The following LGMN variants were observed in gnomAD, a reference collection of about 807,000 sequenced individuals.
The protein encoded by LGMN is legumain.
Under a neutral mutation model 56.8 loss-of-function variants are expected in LGMN, and 36 were observed. The ratio of observed to expected loss-of-function variants is 0.63; its 90% CI spans 0.49 to 0.84. The LOEUF (loss-of-function observed/expected upper bound fraction) is 0.84. Among genes scored for constraint, LGMN ranks in the 40% least tolerant of loss-of-function variants. The probability of loss-of-function intolerance (pLI) is 0.00; values close to 1 mark genes in which losing one functional copy is unlikely to be tolerated. For missense variants in LGMN, 446 were observed against 556.1 expected (o/e 0.80, Z 1.99); for synonymous variants, 199 against 210.1 (o/e 0.95, Z 0.46).
At chr14:92,704,605 A>G in intron 13 of LGMN, 35 bp downstream of exon 13, 1 of 1,562,034 alleles carries the variant, frequency 6.4e-7, no homozygotes, top group African/African-American at 1.3e-5. Context: ...TCAGAATGAC[A>G]TCGACCTTTC....
rs367842598 is a variant in LGMN at position 92,704,285 on chromosome 14, C to T, written c.*34G>A. The T allele has an allele frequency of 2.9e-5, 46 of 1,611,130 alleles. No individual in the cohort carries two copies. Among genetic ancestry groups the T allele is most frequent in the Non-Finnish European group, 3.6e-5 (43 of 1,179,812 alleles). Reference sequence around the variant, plus strand: ...TGATCAGCACACAGTCGGTGGGGCGCTCACACTTGGAAAAGCTTCCAGGAG... The same window carrying T: ...TGATCAGCACACAGTCGGTGGGGCGTTCACACTTGGAAAAGCTTCCAGGAG... On this transcript the variant is annotated 3_prime_UTR_variant, in exon 14 of 14. Coordinates refer to ENST00000334869, the MANE Select transcript of LGMN (RefSeq NM_005606.7).
chr14:92,705,993 A>G (rs1323079149), intron 12 of LGMN, among the ~76,000 whole-genome samples: 3 of 152,160 alleles, frequency 2.0e-5, no homozygotes, highest in Non-Finnish European at 2.9e-5. Flanking sequence ...CAGTTTGCCA[A>G]CCTTTCTCTA....
At chr14:92,706,720 G>A in intron 11 of LGMN, 67 bp from the exon 12 acceptor site, 1 of 1,396,842 alleles carries the variant, frequency 7.2e-7, no homozygotes, top group Non-Finnish European at 9.6e-7. Context: ...CCCAGGTGCG[G>A]TGAGAAGTGC....
chr14:92,732,453 C>T (rs1233157577), intron 2 of LGMN, 196 bp downstream of exon 2: 23 of 591,036 alleles, frequency 3.9e-5, no homozygotes, highest in Non-Finnish European at 2.6e-5. Context: ...AAAATGGCTA[C>T]ACCATCTTAT....
At position 92,732,689 on chromosome 14, in the gene LGMN, AT is replaced by A; in HGVS notation, c.97del (p.Ile33SerfsTer36). 6.2e-7 allele frequency: 1 copy of A among 1,614,164 alleles called. No individual in the cohort carries two copies. Among genetic ancestry groups the A allele is most frequent in the Non-Finnish European group, 8.5e-7 (1 of 1,180,016 alleles). On this transcript the variant is annotated frameshift_variant, in exon 2 of 14. Coordinates refer to ENST00000334869, the MANE Select transcript of LGMN (RefSeq NM_005606.7). LOFTEE classifies it high-confidence loss of function. ...ATACCAGCCATTTGAACCTGCCACGATCACCACCCAGTGCTTGCCTCCATCT... is the reference window on the plus strand; with the variant it reads ...ATACCAGCCATTTGAACCTGCCACGACACCACCCAGTGCTTGCCTCCATCT... ...PEDGGKHWVV[I>X]VAGSNGWYNY...
intron 1 of LGMN, chr14:92,743,024 C>CAAAATATAA (rs1891633678): frequency 1.4e-5 from 1 of 73,718 alleles, no homozygotes; most frequent in African/African-American, 4.6e-5. Context: ...TCCTCTGTCT[C>CAAAATATAA]AAAAAAAAAA....
At chr14:92,724,229 T>C (rs900134251) in intron 2 of LGMN, among the ~76,000 whole-genome samples, 2 of 152,220 alleles carry the variant, frequency 1.3e-5, no homozygotes, top group African/African-American at 4.8e-5. Context: ...CTTGTGTTGT[T>C]ACTCCTGCAC....
intron 1 of LGMN, among the ~76,000 whole-genome samples, chr14:92,748,249 C>A (rs1891903210): frequency 6.6e-6 from 1 of 152,038 alleles, no homozygotes; most frequent in Non-Finnish European, 1.5e-5. Flanking sequence ...CCACAACACG[C>A]GTGAGAAACG....
intron 2 of LGMN, among the ~76,000 whole-genome samples, chr14:92,725,136 C>G (rs1168899012): frequency 6.6e-6 from 1 of 152,246 alleles, no homozygotes; most frequent in African/African-American, 2.4e-5. Flanking sequence ...TGTGCTGCCT[C>G]TGGCATTTAC....
intron 1 of LGMN, among the ~76,000 whole-genome samples, chr14:92,742,420 CCA>C (rs1272258964): frequency 2.0e-5 from 3 of 151,608 alleles, no homozygotes; most frequent in Admixed American, 2.0e-4. Context: ...GCGTCAGCCT[CCA>C]GAGTAGCTGA....
At chr14:92,747,443 T>G (rs1425978476) in intron 1 of LGMN, among the ~76,000 whole-genome samples, 5 of 152,082 alleles carry the variant, frequency 3.3e-5, no homozygotes, top group Non-Finnish European at 7.4e-5. Flanking sequence ...TGAGCCGAGA[T>G]CGCACCACTG....
intron 11 of LGMN, among the ~76,000 whole-genome samples, chr14:92,708,381 T>G (rs1889554849): frequency 6.6e-6 from 1 of 151,882 alleles, no homozygotes; most frequent in Non-Finnish European, 1.5e-5. Context: ...GAAGATCACT[T>G]GAGCTCAGGA....
At position 92,704,175 on chromosome 14, in the gene LGMN, A is replaced by G. The variant is rs1889295838; in HGVS notation, c.*144T>C. ...TAACAGCGAGCAAGTCATCTTGTGA[A>G]GAAGGTCCTGGAGCGAGCCCTGGAG... On this transcript the variant is annotated 3_prime_UTR_variant, in exon 14 of 14. Coordinates refer to ENST00000334869, the MANE Select transcript of LGMN (RefSeq NM_005606.7). The G allele has an allele frequency of 1.0e-6, 1 of 960,572 alleles. No homozygotes were observed. The highest frequency in any genetic ancestry group is 1.6e-5 in the African/African-American group (1 of 62,074). The allele number at this position is 960,572 out of a possible 1,614,324, so 59.5% of individuals were successfully genotyped here. A position where few individuals can be genotyped will look rare whatever the true frequency, so the allele number is the denominator to read the frequency against.
chr14:92,704,501 C>T (rs1484709141), intron 13 of LGMN, 139 bp downstream of exon 13: 9 of 1,061,102 alleles, frequency 8.5e-6, no homozygotes, highest in Admixed American at 3.5e-5. Context: ...CTTCTGGACC[C>T]TGCTGACAAA....
At position 92,709,796 on chromosome 14, in the gene LGMN, A is replaced by T. The variant is rs780669493; in HGVS notation, c.896T>A (p.Val299Asp). ...GCTGGGGGTGAGGTCAAGGTGTGTG[A>T]CTGGAGGTAGGGGGACGGGAGAACT... ...KASSPVPLPP[V>D]THLDLTPSPD... The change falls in exon 11 of 14, where the codon GTC becomes GAC. Residue 299 changes from valine to aspartate, a missense_variant. By Grantham distance (152) the Val-to-Asp change is radical. Coordinates refer to ENST00000334869, the MANE Select transcript of LGMN (RefSeq NM_005606.7). 1.6e-5 allele frequency: 26 copies of T among 1,613,966 alleles called. No individual in the cohort carries two copies. The highest frequency in any genetic ancestry group is 2.2e-5 in the Non-Finnish European group (26 of 1,179,914).
chr14:92,712,777 G>A, intron 8 of LGMN, 28 bp downstream of exon 8: 2 of 1,609,732 alleles, frequency 1.2e-6, no homozygotes, highest in African/African-American at 1.3e-5. Context: ...TGCCAGCCCA[G>A]GTCGAGGCCG....
intron 2 of LGMN, among the ~76,000 whole-genome samples, chr14:92,719,171 C>T (rs1159059105): frequency 1.4e-5 from 2 of 140,666 alleles, no homozygotes; most frequent in Non-Finnish European, 3.1e-5. Flanking sequence ...ACCACCACCA[C>T]CACCACCACC....
intron 2 of LGMN, among the ~76,000 whole-genome samples, chr14:92,719,199 C>CACATATATAGGTAAGAAGGACCTCTG (rs1566923813): frequency 3.6e-5 from 5 of 138,412 alleles, no homozygotes; most frequent in African/African-American, 1.5e-4. Context: ...CCACCGCCAC[C>CACATATATAGGTAAGAAGGACCTCTG]AACACCACCA....
chr14:92,705,402 T>C (rs1889377972), intron 12 of LGMN, among the ~76,000 whole-genome samples: 2 of 151,684 alleles, frequency 1.3e-5, no homozygotes, highest in South Asian at 4.2e-4. Flanking sequence ...CTCGGGAGGC[T>C]GAGGCAGGAG....
Sources: gnomAD v4.1 joint callset for allele counts (sites outside exome capture counted in the v4.1 genomes callset) on GRCh38, gnomAD v4.1.1 for gene constraint, MANE v1.5 for transcripts, NCBI Gene and HGNC (gene_info 2026-07-23, HGNC 2026-07-21) for gene names.